The following SNRNP35 variants were observed in gnomAD, a reference collection of about 807,000 sequenced individuals.
SNRNP35 encodes U11/U12 small nuclear ribonucleoprotein 35 kDa protein.
A neutral mutation model predicts 24.3 loss-of-function variants in SNRNP35; 16 were observed. The observed-to-expected ratio is 0.66, with a 90% CI of 0.45 to 1.00. The LOEUF (loss-of-function observed/expected upper bound fraction) is 1.00, where lower values mean the gene tolerates loss of function less well. Ranked by LOEUF, SNRNP35 falls within the 50% of genes least tolerant of loss-of-function variation. SNRNP35 has a pLI of 0.00. For synonymous variants in SNRNP35, 106 were observed against 124.8 expected (o/e 0.85, Z 1.00); for missense variants, 292 against 327.2 (o/e 0.89, Z 0.83).
Position 123,465,470 on chromosome 12 carries a change from T to G in SNRNP35, c.-3-68T>G. On this transcript the variant is annotated intron_variant, in intron 1 of 1. Transcript: ENST00000526639. The surrounding 1 kb of genome is among the most constrained non-coding windows in gnomAD (Gnocchi z 4.2). ...GAATGATAGTATCCTTTTCATGGCA[T>G]TGTTGTAAGGGTTGAATGAGTGGCT... 6.8e-7 allele frequency: 1 copy of G among 1,474,734 alleles called. No individual in the cohort carries two copies. The highest frequency in any genetic ancestry group is 9.1e-7 in the Non-Finnish European group (1 of 1,104,608). 91.4% of individuals were successfully genotyped at this position (1,474,734 alleles called of 1,614,324 possible).
In SNRNP35 at chr12:123,466,063, C is replaced by G; in HGVS notation, c.523C>G (p.Leu175Val). 6.2e-7 allele frequency: 1 copy of G among 1,613,978 alleles called. No homozygotes were observed. The highest frequency in any genetic ancestry group is 8.5e-7 in the Non-Finnish European group (1 of 1,180,008). Residue 175 changes from leucine to valine, a missense_variant, in exon 2 of 2, where the codon CTC becomes GTC. Coordinates refer to ENST00000526639, the MANE Select transcript of SNRNP35 (RefSeq NM_022717.4). ...PINLPVVKND[L>V]YREGKRERRE... ...TAACTTGCCAGTTGTTAAAAACGAC[C>G]TCTATAGAGAGGGAAAACGGGAAAG...
rs771645210 is a variant in SNRNP35, at chr12:123,466,298, C to T, written c.*17C>T. The T allele has an allele frequency of 1.3e-6, 2 of 1,508,022 alleles. No homozygotes were observed. The highest frequency in any genetic ancestry group is 1.8e-6 in the Non-Finnish European group (2 of 1,130,900). 93.4% of individuals were successfully genotyped at this position (1,508,022 alleles called of 1,614,324 possible). On this transcript the variant is annotated 3_prime_UTR_variant, in exon 2 of 2. Transcript: ENST00000526639. Reference sequence around the variant, plus strand: ...GGCAAGTAGAGGCCCAACAGCAGAACCCCAAAGTGAAGTTACAGTGGAAAT... The same window carrying T: ...GGCAAGTAGAGGCCCAACAGCAGAATCCCAAAGTGAAGTTACAGTGGAAAT...
At position 123,466,285 on chromosome 12, in the gene SNRNP35, C is replaced by T. The variant is rs1329422336; in HGVS notation, c.*4C>T. Reference sequence around the variant, plus strand: ...GAAGAAGGAAAGAGGCAAGTAGAGGCCCAACAGCAGAACCCCAAAGTGAAG... The same window carrying T: ...GAAGAAGGAAAGAGGCAAGTAGAGGTCCAACAGCAGAACCCCAAAGTGAAG... On this transcript the variant is annotated 3_prime_UTR_variant, in exon 2 of 2. Transcript: ENST00000526639. The T allele has an allele frequency of 6.6e-7, 1 of 1,513,558 alleles. No homozygotes were observed. The allele number at this position is 1,513,558 out of a possible 1,614,324, so 93.8% of individuals were successfully genotyped here.
At chr12:123,461,825 G>A (rs1193990849) in intron 1 of SNRNP35, among the ~76,000 whole-genome samples, 3 of 151,146 alleles carry the variant, frequency 2.0e-5, no homozygotes, top group African/African-American at 4.9e-5. Flanking sequence ...GGTTTCAAGC[G>A]ATTCTCCTGC....
chr12:123,467,579 A>G (rs180682647), downstream of SNRNP35, among the ~76,000 whole-genome samples: 94 of 152,360 alleles, frequency 6.2e-4, 1 homozygote, highest in Non-Finnish European at 1.1e-3. Flanking sequence ...CAAAAAAGTG[A>G]CATTTAGCAT....
chr12:123,462,825 T>C (rs1880710097), intron 1 of SNRNP35, among the ~76,000 whole-genome samples: 1 of 152,054 alleles, frequency 6.6e-6, no homozygotes, highest in Non-Finnish European at 1.5e-5. Context: ...TCATTGATTT[T>C]GGATTTTATT....
downstream of SNRNP35, among the ~76,000 whole-genome samples, chr12:123,468,414 G>A (rs138697882): frequency 1.3e-5 from 2 of 149,772 alleles, no homozygotes; most frequent in East Asian, 4.0e-4. Context: ...GAGGCTGGGC[G>A]TGATGGCTCA....
At chr12:123,463,057 T>G (rs529030533) in intron 1 of SNRNP35, among the ~76,000 whole-genome samples, 1 of 151,602 alleles carries the variant, frequency 6.6e-6, no homozygotes, top group Admixed American at 6.6e-5. Context: ...GAAACCTGGT[T>G]TTTTGTTTTT....
chr12:123,468,110 G>A (rs1175544785), downstream of SNRNP35, among the ~76,000 whole-genome samples: 2 of 152,120 alleles, frequency 1.3e-5, no homozygotes, highest in Admixed American at 1.3e-4. Flanking sequence ...TGTGATCCCA[G>A]CACTTTGGGA....
At chr12:123,463,523 G>A (rs907990783) in intron 1 of SNRNP35, among the ~76,000 whole-genome samples, 25 of 149,356 alleles carry the variant, frequency 1.7e-4, no homozygotes, top group African/African-American at 4.9e-4. Context: ...GACTACAGGC[G>A]TGTGCAACTG....
downstream of SNRNP35, chr12:123,471,492 A>T (rs1455334313): frequency 6.6e-6 from 1 of 152,202 alleles, no homozygotes; most frequent in Non-Finnish European, 1.5e-5. Flanking sequence ...TGTGCCCTGG[A>T]TGCTTGGCGG....
chr12:123,466,245 G>A lies in SNRNP35; in HGVS notation c.705G>A (p.Arg235=). Residue 235 remains arginine, a synonymous_variant, in exon 2 of 2, where the codon AGG becomes AGA. Transcript: ENST00000526639. ...GAGAGAGGGACTTCAGAGATGACAG[G>A]ATCAAGGGGAGGGAGAAGAAGGAAA... ...WERERDFRDD[R]IKGREKKERG... is the part of the protein sequence containing the mutation. 6.5e-7 allele frequency: 1 copy of A among 1,529,912 alleles called. No individual in the cohort carries two copies. Among genetic ancestry groups the A allele is most frequent in the South Asian group, 1.3e-5 (1 of 76,546 alleles). The allele number at this position is 1,529,912 out of a possible 1,614,324, so 94.8% of individuals were successfully genotyped here. A position where few individuals can be genotyped will look rare whatever the true frequency, so the allele number is the denominator to read the frequency against.
Position 123,472,588 on chromosome 12 carries a change from G to A in SNRNP35, n.1595G>A, listed in dbSNP as rs374451690. The stretch of plus-strand genomic sequence containing the variant: ...CCTTGCTCTGTGTAACCGTCATCGC[G>A]GTGGGTGTTTGCCCACTGTCCAAAG... On this transcript the variant is annotated non_coding_transcript_exon_variant, in exon 2 of 2. Transcript: ENST00000527158. The A allele has an allele frequency of 2.6e-5, 41 of 1,562,008 alleles. No individual in the cohort carries two copies. The highest frequency in any genetic ancestry group is 1.7e-4 in the Middle Eastern group (1 of 5,990).
chr12:123,464,935 A>T (rs1789651538), intron 1 of SNRNP35: 1 of 152,194 alleles, frequency 6.6e-6, no homozygotes, highest in Non-Finnish European at 1.5e-5. Flanking sequence ...TTAATGATGC[A>T]TAGTAAAAAA....
Position 123,466,295 on chromosome 12 carries a change from G to A in SNRNP35, c.*14G>A, listed in dbSNP as rs747812127. On this transcript the variant is annotated 3_prime_UTR_variant, in exon 2 of 2. Coordinates refer to ENST00000526639, the MANE Select transcript of SNRNP35 (RefSeq NM_022717.4). ...AGAGGCAAGTAGAGGCCCAACAGCA[G>A]AACCCCAAAGTGAAGTTACAGTGGA... 13 of 1,510,086 alleles carry A rather than the reference G, an allele frequency of 8.6e-6. No homozygotes were observed. The highest frequency in any genetic ancestry group is 1.1e-5 in the Non-Finnish European group (13 of 1,132,012). The allele number at this position is 1,510,086 out of a possible 1,614,324, so 93.5% of individuals were successfully genotyped here. A position where few individuals can be genotyped will look rare whatever the true frequency, so the allele number is the denominator to read the frequency against.
At chr12:123,472,225 C>A in exon 2 of SNRNP35, 1 of 296,760 alleles carries the variant, frequency 3.4e-6, no homozygotes, top group Non-Finnish European at 6.3e-6. Context: ...ATGTATTTGG[C>A]TTAAAGAAGC....
intron 1 of SNRNP35, chr12:123,464,407 T>A (rs1720400744): frequency 6.6e-6 from 1 of 151,834 alleles, no homozygotes; most frequent in African/African-American, 2.4e-5. Flanking sequence ...GCCCGGCTAA[T>A]TTTTTTTGTA....
In SNRNP35 at chr12:123,465,132, C is replaced by T. The variant is rs1880873264; in HGVS notation, c.-3-406C>T. On this transcript the variant is annotated intron_variant, in intron 1 of 1. Transcript: ENST00000526639. The surrounding 1 kb of genome is among the most constrained non-coding windows in gnomAD (Gnocchi z 4.2). ...AGAGTTTTTAAATTGCCATTTTCCA[C>T]CAGCAGTTCCTGGGCTAGTTTTCCT... Among the ~76,000 whole-genome samples, 1 of 152,166 alleles carries T rather than the reference C, an allele frequency of 6.6e-6. No homozygotes were observed. Among genetic ancestry groups the T allele is most frequent in the South Asian group, 2.1e-4 (1 of 4,832 alleles).
chr12:123,472,493 G>A (rs1438229900), exon 2 of SNRNP35: 4 of 1,547,400 alleles, frequency 2.6e-6, no homozygotes, highest in South Asian at 1.2e-5. Flanking sequence ...GGTTGCAGGC[G>A]CTGGTGGCGG....
Sources: gnomAD v4.1 joint callset for allele counts (sites outside exome capture counted in the v4.1 genomes callset) on GRCh38, gnomAD v4.1.1 for gene constraint, Gnocchi (gnomAD v3.1) non-coding constraint, MANE v1.5 for transcripts, NCBI Gene and HGNC (gene_info 2026-07-23, HGNC 2026-07-21) for gene names.